NSD1: variants seen among roughly 807,000 people sequenced by gnomAD.
The protein encoded by NSD1 is nuclear receptor binding SET domain protein 1, also known as histone-lysine N-methyltransferase, H3 lysine-36 specific.
A neutral mutation model predicts 242.7 loss-of-function variants in NSD1; 26 were observed. The ratio of observed to expected loss-of-function variants is 0.11; its 90% CI spans 0.08 to 0.15. The LOEUF (loss-of-function observed/expected upper bound fraction) is 0.15. Among genes scored for constraint, NSD1 ranks in the 10% least tolerant of loss-of-function variants. The probability of loss-of-function intolerance (pLI) is 1.00; values close to 1 mark genes in which losing one functional copy is unlikely to be tolerated. For synonymous variants in NSD1, 1,106 were observed against 1,178.1 expected (o/e 0.94, Z 1.25); for missense variants, 2,495 against 3,272.8 (o/e 0.76, Z 5.80).
chr5:177,258,290 A>G (rs899441043), intron 13 of NSD1, among the ~76,000 whole-genome samples: 2 of 151,026 alleles, frequency 1.3e-5, no homozygotes, highest in African/African-American at 2.4e-5. Flanking sequence ...GGCCATTTTT[A>G]TATCTCTGGT....
At chr5:177,172,471 C>T (rs975086695) in intron 2 of NSD1, among the ~76,000 whole-genome samples, 1 of 152,012 alleles carries the variant, frequency 6.6e-6, no homozygotes, top group African/African-American at 2.4e-5. Context: ...TAGATAACAG[C>T]TTCTAAGTGT....
At chr5:177,281,611 A>G (rs964984524) in intron 18 of NSD1, among the ~76,000 whole-genome samples, 5 of 152,154 alleles carry the variant, frequency 3.3e-5, no homozygotes, top group Non-Finnish European at 7.4e-5. Context: ...GAGATGTGTG[A>G]CAAAGGAACT....
chr5:177,182,544 G>C (rs1353853159), intron 2 of NSD1, among the ~76,000 whole-genome samples: 3 of 152,106 alleles, frequency 2.0e-5, no homozygotes, highest in Admixed American at 1.3e-4. Flanking sequence ...GTTTTGCCTA[G>C]AACTACAAGG....
At chr5:177,182,579 C>G (rs1760780721) in intron 2 of NSD1, among the ~76,000 whole-genome samples, 1 of 152,074 alleles carries the variant, frequency 6.6e-6, no homozygotes, top group Admixed American at 6.6e-5. Flanking sequence ...CCAACTAAGT[C>G]TGGCTTTGTT....
intron 6 of NSD1, among the ~76,000 whole-genome samples, chr5:177,236,730 T>C (rs1765463739): frequency 6.6e-6 from 1 of 152,262 alleles, no homozygotes; most frequent in African/African-American, 2.4e-5. Context: ...TTTGATAGAT[T>C]GAAAGTTGAA....
intron 3 of NSD1, among the ~76,000 whole-genome samples, chr5:177,192,993 TTTA>T (rs1383384371): frequency 1.3e-5 from 2 of 152,268 alleles, no homozygotes; most frequent in Admixed American, 6.5e-5. Context: ...ATTGTAAATG[TTTA>T]TTAATAATTT....
At chr5:177,237,766 C>T (rs2149886450) in intron 6 of NSD1, among the ~76,000 whole-genome samples, 1 of 152,188 alleles carries the variant, frequency 6.6e-6, no homozygotes, top group Non-Finnish European at 1.5e-5. Context: ...ATCTCCTGAC[C>T]TCGTGATCTG....
chr5:177,237,106 G>A (rs1477855636), intron 6 of NSD1, among the ~76,000 whole-genome samples: 1 of 152,122 alleles, frequency 6.6e-6, no homozygotes, highest in African/African-American at 2.4e-5. Context: ...GCCTCCCAGA[G>A]TGTTGGGATT....
At chr5:177,156,160 C>T (rs1758115673) in intron 2 of NSD1, among the ~76,000 whole-genome samples, 1 of 150,388 alleles carries the variant, frequency 6.6e-6, no homozygotes, top group African/African-American at 2.5e-5. Flanking sequence ...GTACTCTTCC[C>T]TCGCTCTTTT....
At chr5:177,140,408 T>G (rs1756715955) in intron 2 of NSD1, among the ~76,000 whole-genome samples, 1 of 152,214 alleles carries the variant, frequency 6.6e-6, no homozygotes, top group Non-Finnish European at 1.5e-5. Flanking sequence ...ATTGATGTGA[T>G]GGGAACTGGC....
upstream of NSD1, among the ~76,000 whole-genome samples, chr5:177,132,456 C>T (rs1197081609): frequency 6.6e-6 from 1 of 151,736 alleles, no homozygotes; most frequent in East Asian, 1.9e-4. The surrounding 1 kb of genome is among the most constrained non-coding windows in gnomAD (Gnocchi z 7.5). Flanking sequence ...TGACTAGGCG[C>T]GGGAGGCGGT....
chr5:177,296,134 C>T lies in NSD1; in HGVS notation c.*675C>T, dbSNP rs568713280. ...GTGTGCATGGGTGCGTGTGCATGCG[C>T]GCACACTCACAGAGGTCTCCTCTAT... is the stretch of plus-strand genomic sequence containing the variant. On this transcript the variant is annotated 3_prime_UTR_variant, in exon 23 of 23. Coordinates refer to ENST00000439151, the MANE Select transcript of NSD1 (RefSeq NM_022455.5). The T allele has an allele frequency of 3.7e-5, 9 of 244,718 alleles. No individual in the cohort carries two copies. Among genetic ancestry groups the T allele is most frequent in the Middle Eastern group, 1.2e-3 (1 of 802 alleles). 15.2% of individuals were successfully genotyped at this position (244,718 alleles called of 1,614,324 possible).
At chr5:177,139,417 G>A (rs1223974232) in intron 2 of NSD1, among the ~76,000 whole-genome samples, 1 of 148,732 alleles carries the variant, frequency 6.7e-6, no homozygotes, top group East Asian at 2.0e-4. Context: ...CTGCACTCCA[G>A]CCTTGAGACA....
At chr5:177,136,103 AAC>A in intron 2 of NSD1, 73 bp downstream of exon 2, 1 of 1,380,294 alleles carries the variant, frequency 7.2e-7, no homozygotes, top group Non-Finnish European at 1.0e-6. Flanking sequence ...GGAAACTTGT[AAC>A]AAATTTGTTT....
At chr5:177,172,548 A>G (rs1432639854) in intron 2 of NSD1, among the ~76,000 whole-genome samples, 2 of 152,218 alleles carry the variant, frequency 1.3e-5, no homozygotes, top group African/African-American at 4.8e-5. Flanking sequence ...GTGGTAATAT[A>G]TGGCAGGATT....
chr5:177,263,498 C>T (rs1211458752), intron 14 of NSD1, among the ~76,000 whole-genome samples: 1 of 152,202 alleles, frequency 6.6e-6, no homozygotes, highest in African/African-American at 2.4e-5. Context: ...TGTATCATCA[C>T]CTACTCGCAG....
intron 16 of NSD1, among the ~76,000 whole-genome samples, chr5:177,271,135 C>G (rs1329787229): frequency 6.6e-6 from 1 of 151,998 alleles, no homozygotes; most frequent in African/African-American, 2.4e-5. Context: ...CTGACTTCTT[C>G]GAGCTTGTAT....
intron 2 of NSD1, among the ~76,000 whole-genome samples, chr5:177,176,476 C>T: frequency 6.6e-6 from 1 of 151,536 alleles, no homozygotes; most frequent in East Asian, 1.9e-4. Flanking sequence ...CTCTGTGGCC[C>T]AGGCTAGAGT....
chr5:177,229,929 A>G, intron 5 of NSD1: 1 of 170,436 alleles, frequency 5.9e-6, no homozygotes, highest in Non-Finnish European at 1.3e-5. Context: ...TTTTTAGTAG[A>G]GACGGAGCTT....
Sources: gnomAD v4.1 joint callset for allele counts (sites outside exome capture counted in the v4.1 genomes callset) on GRCh38, gnomAD v4.1.1 for gene constraint, Gnocchi (gnomAD v3.1) non-coding constraint, MANE v1.5 for transcripts, NCBI Gene and HGNC (gene_info 2026-07-23, HGNC 2026-07-21) for gene names.